The following CPXM2 variants were observed in gnomAD, a reference collection of about 807,000 sequenced individuals.
The protein encoded by CPXM2 is carboxypeptidase X, M14 family member 2.
Under a neutral mutation model 86.1 loss-of-function variants are expected in CPXM2, and 66 were observed. The observed-to-expected ratio is 0.77, with a 90% confidence interval of 0.63 to 0.94. The LOEUF is 0.94. Among genes scored for constraint, CPXM2 ranks in the 40% least tolerant of loss-of-function variants. CPXM2 has a pLI of 0.00. For missense variants in CPXM2, 948 were observed against 1,026.3 expected, an observed-to-expected ratio of 0.92 and a Z score of 1.04; for synonymous variants, 388 against 400.2, an observed-to-expected ratio of 0.97 and a Z score of 0.36.
intron 2 of CPXM2, among the ~76,000 whole-genome samples, chr10:123,929,360 T>G (rs1313629787): frequency 6.6e-6 from 1 of 152,224 alleles, no homozygotes; most frequent in Non-Finnish European, 1.5e-5. Context: ...TGAGGCTGAC[T>G]CAGCTTCTAG....
rs142292478 is a variant in CPXM2 at position 123,841,817 on chromosome 10, C to T, written c.653+532G>A. On this transcript the variant is annotated intron_variant, in intron 4 of 13. Transcript: ENST00000241305. ...ACTTGTCACTGTCCCAGCCTTGGCC[C>T]TGAGTGAAATTCTGAGAAATGAGAC... Among the ~76,000 whole-genome samples, 1,429 of 152,326 alleles carry T rather than the reference C, an allele frequency of 9.4e-3. 9 individuals carry two copies. Among genetic ancestry groups the T allele is most frequent in the Middle Eastern group, 0.024 (7 of 294 alleles).
chr10:123,764,541 C>G (rs1846424443), intron 10 of CPXM2, among the ~76,000 whole-genome samples: 1 of 151,984 alleles, frequency 6.6e-6, no homozygotes, highest in South Asian at 2.1e-4. Context: ...GGGTGGAGTG[C>G]AGTGGCAAAA....
chr10:123,843,393 T>C, intron 3 of CPXM2: 2 of 370,098 alleles, frequency 5.4e-6, no homozygotes, highest in Non-Finnish European at 1.0e-5. Flanking sequence ...AGCATCCTCG[T>C]TTATTAACCC....
Position 123,754,486 on chromosome 10 carries a change from GC to G in CPXM2, c.2017+176del, listed in dbSNP as rs756027773. Among the ~76,000 whole-genome samples the G allele has an allele frequency of 6.6e-6, 1 of 152,196 alleles. No individual in the cohort carries two copies. Among genetic ancestry groups the G allele is most frequent in the Non-Finnish European group, 1.5e-5 (1 of 68,040 alleles). On this transcript the variant is annotated intron_variant, in intron 13 of 13. Transcript: ENST00000241305. The surrounding 1 kb of genome is among the most constrained non-coding windows in gnomAD (Gnocchi z 4.0). ...GACAGCGAGCAACCAGCAAGCACAG[GC>G]TGAAAACCTCCCTTCCAAGGGTCTC...
chr10:123,921,847 G>A (rs1043141995), intron 2 of CPXM2, among the ~76,000 whole-genome samples: 10 of 152,218 alleles, frequency 6.6e-5, no homozygotes, highest in African/African-American at 2.4e-4. Context: ...CCAACTTTGA[G>A]GAGGAAAGAT....
intron 6 of CPXM2, among the ~76,000 whole-genome samples, chr10:123,787,541 C>A (rs950279892): frequency 2.0e-5 from 3 of 152,102 alleles, no homozygotes; most frequent in African/African-American, 7.2e-5. Flanking sequence ...GCCATGTTGG[C>A]CAGGCTGGTC....
intron 4 of CPXM2, among the ~76,000 whole-genome samples, chr10:123,812,892 G>C (rs1051227640): frequency 1.3e-5 from 2 of 152,172 alleles, no homozygotes; most frequent in African/African-American, 4.8e-5. Context: ...TGCCAAAAAG[G>C]TTGGGGACTG....
chr10:123,899,874 C>G (rs548880134), intron 2 of CPXM2, among the ~76,000 whole-genome samples: 1 of 152,098 alleles, frequency 6.6e-6, no homozygotes, highest in East Asian at 1.9e-4. Flanking sequence ...TGAGGAAAAA[C>G]TTGTTAAATA....
At chr10:123,817,206 G>T (rs1316196609) in intron 4 of CPXM2, among the ~76,000 whole-genome samples, 1 of 152,146 alleles carries the variant, frequency 6.6e-6, no homozygotes, top group African/African-American at 2.4e-5. Context: ...TTTTTAGTGG[G>T]ATCCAGAACA....
At chr10:123,897,250 A>C (rs539624191) in intron 2 of CPXM2, among the ~76,000 whole-genome samples, 33 of 151,070 alleles carry the variant, frequency 2.2e-4, no homozygotes, top group African/African-American at 8.0e-4. Flanking sequence ...CCCTGACCAC[A>C]CCTCTGCACT....
chr10:123,874,267 G>A (rs973073184), intron 2 of CPXM2, among the ~76,000 whole-genome samples: 25 of 151,980 alleles, frequency 1.6e-4, no homozygotes, highest in African/African-American at 2.2e-4. Context: ...CTCTCCCTGC[G>A]TCCTAACATG....
At chr10:123,801,405 C>T (rs973646111) in intron 4 of CPXM2, among the ~76,000 whole-genome samples, 1 of 152,160 alleles carries the variant, frequency 6.6e-6, no homozygotes, top group Non-Finnish European at 1.5e-5. Flanking sequence ...GTTACCTAGT[C>T]TCGGGTATTT....
At chr10:123,845,098 C>T (rs117606930) in intron 3 of CPXM2, among the ~76,000 whole-genome samples, 22 of 151,782 alleles carry the variant, frequency 1.4e-4, no homozygotes, top group Non-Finnish European at 3.1e-4. Flanking sequence ...AATTAATTCC[C>T]CCATATCTCC....
chr10:123,785,780 T>C lies in CPXM2; in HGVS notation c.890-5525A>G, dbSNP rs568560914. Reference sequence around the variant, plus strand: ...CCCGAGTAGCTGGGACTACAGGCACTCGCCACCACGCCTGGCTAAATTTTT... The same window carrying C: ...CCCGAGTAGCTGGGACTACAGGCACCCGCCACCACGCCTGGCTAAATTTTT... On this transcript the variant is annotated intron_variant, in intron 6 of 13. Transcript: ENST00000241305. Among the ~76,000 whole-genome samples the C allele has an allele frequency of 3.3e-5, 5 of 151,978 alleles. No homozygotes were observed. In the South Asian group the frequency reaches 1.0e-3, roughly 32 times the overall value.
intron 3 of CPXM2, among the ~76,000 whole-genome samples, chr10:123,854,424 ATATATATAT>A (rs1343313431): frequency 1.6e-5 from 2 of 122,512 alleles, no homozygotes; most frequent in Non-Finnish European, 3.2e-5. Flanking sequence ...AAAATATATA[ATATATATAT>A]AATATACTTT....
chr10:123,799,075 C>G lies in CPXM2; in HGVS notation c.738+40G>C. The G allele has an allele frequency of 1.9e-6, 3 of 1,610,284 alleles. No individual in the cohort carries two copies. The Admixed American group carries it at 5.0e-5, about 27-fold the overall frequency. ...CCTCTCTTTGCAAAACCCCACCCAG[C>G]CAGGAAGAAAGGCATGGTTAAATGG... is the stretch of plus-strand genomic sequence containing the variant. On this transcript the variant is annotated intron_variant, in intron 5 of 13. Transcript: ENST00000241305.
chr10:123,838,639 G>A (rs190297218), intron 4 of CPXM2, among the ~76,000 whole-genome samples: 47 of 152,176 alleles, frequency 3.1e-4, no homozygotes, highest in Admixed American at 1.2e-3. Flanking sequence ...CTCCCTTTCC[G>A]TTTCTAAAAC....
At chr10:123,920,532 A>G (rs72631127) in intron 2 of CPXM2, among the ~76,000 whole-genome samples, 3,050 of 152,328 alleles carry the variant, frequency 0.02, 85 homozygotes, top group East Asian at 0.093. Flanking sequence ...ATAGAGAAAA[A>G]GCTAGGTAGA....
At chr10:123,795,657 C>T (rs916810967) in intron 6 of CPXM2, among the ~76,000 whole-genome samples, 2 of 151,828 alleles carry the variant, frequency 1.3e-5, no homozygotes, top group Non-Finnish European at 2.9e-5. Context: ...AGGCAGCATG[C>T]GTGAACAGCC....
Sources: allele counts gnomAD v4.1 joint callset (sites outside exome capture counted in the v4.1 genomes callset), GRCh38; gene constraint gnomAD v4.1.1; non-coding constraint Gnocchi (gnomAD v3.1); transcripts MANE v1.5; gene names NCBI Gene and HGNC (gene_info 2026-07-23, HGNC 2026-07-21).